The following WDR41 variants were observed in gnomAD, a reference collection of about 807,000 sequenced individuals.
The protein encoded by WDR41 is WD repeat-containing protein 41.
A neutral mutation model predicts 69.3 loss-of-function variants in WDR41; 63 were observed. The observed-to-expected ratio is 0.91, with a 90% CI of 0.74 to 1.12. The LOEUF (loss-of-function observed/expected upper bound fraction) is 1.12, where lower values mean the gene tolerates loss of function less well. Among genes scored for constraint, WDR41 ranks in the 50% most tolerant of loss-of-function variants. The probability of loss-of-function intolerance (pLI) is 0.00; values close to 1 mark genes in which losing one functional copy is unlikely to be tolerated. For missense variants in WDR41, 543 were observed against 534.5 expected, an observed-to-expected ratio of 1.02 and a Z score of -0.16; for synonymous variants, 185 against 192.1, an observed-to-expected ratio of 0.96 and a Z score of 0.31.
intron 1 of WDR41, among the ~76,000 whole-genome samples, chr5:77,540,827 T>C (rs1367053522): frequency 6.6e-6 from 1 of 152,116 alleles, no homozygotes; most frequent in Non-Finnish European, 1.5e-5. Context: ...TAAAACCTGT[T>C]TCACATTTAT....
chr5:77,433,916 A>C lies in WDR41; in HGVS notation c.1228-629T>G, dbSNP rs187406438. ...TTGCCCAGTGAAGGAATAGGCTGGA[A>C]GCTAAGAATAGGAAAACAGAGTGTT... On this transcript the variant is annotated intron_variant, in intron 12 of 12. Transcript: ENST00000296679. Among the ~76,000 whole-genome samples the C allele has an allele frequency of 2.3e-3, 355 of 152,364 alleles. 3 individuals carry two copies. The highest frequency in any genetic ancestry group is 8.1e-3 in the African/African-American group (337 of 41,576).
intron 2 of WDR41, among the ~76,000 whole-genome samples, chr5:77,476,998 A>G (rs1179065893): frequency 6.7e-6 from 1 of 148,854 alleles, no homozygotes; most frequent in African/African-American, 2.6e-5. Context: ...GCAAATGGAA[A>G]ACAAAAAAAG....
intron 12 of WDR41, among the ~76,000 whole-genome samples, chr5:77,433,984 A>T (rs1388045168): frequency 6.6e-6 from 1 of 152,240 alleles, no homozygotes; most frequent in Admixed American, 6.5e-5. Context: ...GAGTTGTATC[A>T]GAAAAGTGAA....
chr5:77,441,504 C>T (rs761704092), intron 8 of WDR41, among the ~76,000 whole-genome samples: 7 of 152,042 alleles, frequency 4.6e-5, no homozygotes, highest in East Asian at 3.9e-4. Flanking sequence ...TTTGGGAAGC[C>T]GAGGCAGGTG....
chr5:77,451,461 C>G, intron 6 of WDR41, 108 bp from the exon 7 acceptor site: 1 of 943,644 alleles, frequency 1.1e-6, no homozygotes, highest in Non-Finnish European at 1.7e-6. Flanking sequence ...GAAGATAAAG[C>G]ACACAGAACT....
At chr5:77,526,770 TG>T (rs1478117529) in intron 1 of WDR41, among the ~76,000 whole-genome samples, 1 of 152,044 alleles carries the variant, frequency 6.6e-6, no homozygotes, top group Non-Finnish European at 1.5e-5. Flanking sequence ...AAATCACACT[TG>T]CTATATATAC....
At chr5:77,611,110 C>T (rs570635189) in intron 1 of WDR41, among the ~76,000 whole-genome samples, 1 of 152,052 alleles carries the variant, frequency 6.6e-6, no homozygotes, top group Non-Finnish European at 1.5e-5. Flanking sequence ...AGCTAACTAT[C>T]GTAAATATAC....
At chr5:77,584,462 A>G (rs1744001671) in intron 1 of WDR41, among the ~76,000 whole-genome samples, 1 of 152,216 alleles carries the variant, frequency 6.6e-6, no homozygotes. Flanking sequence ...TTAAGAAAGC[A>G]ATTTAATTTA....
Position 77,592,251 on chromosome 5 carries a change from A to G in WDR41, c.42+28228T>C, listed in dbSNP as rs183711464. On this transcript the variant is annotated intron_variant, in intron 1 of 5. Coordinates refer to the WDR41 transcript ENST00000509971. ...TAAGGTATGGCACTATAAGCAGCAT[A>G]TAGTTAGATTTTTTTAAATTGAGTC... Among the ~76,000 whole-genome samples, 939 of 152,260 alleles carry G rather than the reference A, an allele frequency of 6.2e-3. 6 individuals are homozygous for G. The highest frequency in any genetic ancestry group is 0.012 in the South Asian group (57 of 4,828).
chr5:77,530,250 C>G (rs1189904675), intron 1 of WDR41, among the ~76,000 whole-genome samples: 2 of 151,544 alleles, frequency 1.3e-5, no homozygotes, highest in Non-Finnish European at 3.0e-5. Context: ...TATCCTATTA[C>G]CCAACAATTC....
At chr5:77,451,141 T>C (rs929344412) in intron 7 of WDR41, 150 bp downstream of exon 7, 3 of 640,550 alleles carry the variant, frequency 4.7e-6, no homozygotes, top group Non-Finnish European at 8.1e-6. Flanking sequence ...ATCCTGAAAA[T>C]GTCTTAGTCT....
intron 1 of WDR41, among the ~76,000 whole-genome samples, chr5:77,517,550 TC>T (rs1209855220): frequency 2.0e-5 from 3 of 151,740 alleles, no homozygotes; most frequent in African/African-American, 7.3e-5. Context: ...CAACTTTTTT[TC>T]CTTTTCCTTT....
intron 1 of WDR41, among the ~76,000 whole-genome samples, chr5:77,500,822 T>C (rs560259120): frequency 4.9e-4 from 74 of 152,274 alleles, no homozygotes; most frequent in African/African-American, 1.7e-3. Flanking sequence ...CTGTGAGACA[T>C]TACATTAAAA....
chr5:77,568,246 C>T (rs78878878), intron 1 of WDR41, among the ~76,000 whole-genome samples: 5,254 of 152,204 alleles, frequency 0.035, 129 homozygotes, highest in Middle Eastern at 0.099. Flanking sequence ...TGCTCTGATC[C>T]AGGCAGAGCA....
chr5:77,581,002 A>G (rs1323396979), intron 1 of WDR41, among the ~76,000 whole-genome samples: 1 of 151,808 alleles, frequency 6.6e-6, no homozygotes, highest in Non-Finnish European at 1.5e-5. Flanking sequence ...TAAAAAGTAA[A>G]ATGGCAGATG....
At chr5:77,551,320 T>C (rs917711669) in intron 1 of WDR41, among the ~76,000 whole-genome samples, 1 of 152,242 alleles carries the variant, frequency 6.6e-6, no homozygotes, top group Admixed American at 6.5e-5. Flanking sequence ...ATGTTAGATT[T>C]TGATAAATGA....
chr5:77,602,852 T>C (rs755962383), intron 1 of WDR41, among the ~76,000 whole-genome samples: 5 of 152,174 alleles, frequency 3.3e-5, no homozygotes, highest in African/African-American at 1.2e-4. Context: ...CTGTTTTCCA[T>C]AGTGGTTGTA....
intron 2 of WDR41, among the ~76,000 whole-genome samples, chr5:77,480,530 T>A (rs1298227181): frequency 6.6e-6 from 1 of 152,082 alleles, no homozygotes. Flanking sequence ...TGTAGGGACA[T>A]GGATGAAATT....
intron 2 of WDR41, among the ~76,000 whole-genome samples, chr5:77,469,505 T>A (rs1800465413): frequency 6.6e-6 from 1 of 152,148 alleles, no homozygotes; most frequent in Admixed American, 6.5e-5. Flanking sequence ...TTAATCCAAT[T>A]CAAATCTGAC....
Sources: gnomAD v4.1 joint callset for allele counts (sites outside exome capture counted in the v4.1 genomes callset) on GRCh38, gnomAD v4.1.1 for gene constraint, MANE v1.5 for transcripts, NCBI Gene and HGNC (gene_info 2026-07-23, HGNC 2026-07-21) for gene names.